The following PLCB1 variants were observed in gnomAD, a reference collection of about 807,000 sequenced individuals.
PLCB1 encodes the protein 1-phosphatidylinositol 4,5-bisphosphate phosphodiesterase beta-1.
In PLCB1, 46 loss-of-function variants were observed where a neutral mutation model predicts 161.8. The observed-to-expected ratio is 0.28, with a 90% CI of 0.22 to 0.36. The LOEUF is 0.36. Among genes scored for constraint, PLCB1 ranks in the 10% least tolerant of loss-of-function variants. PLCB1 has a pLI of 1.00. For missense variants in PLCB1, 1,016 were observed against 1,472.5 expected (o/e 0.69, Z 5.07); for synonymous variants, 517 against 503.7 (o/e 1.03, Z -0.35).
At chr20:8,508,605 TCAAGTAATC>T (rs915304232) in intron 3 of PLCB1, among the ~76,000 whole-genome samples, 2 of 152,206 alleles carry the variant, frequency 1.3e-5, no homozygotes, top group African/African-American at 4.8e-5. Context: ...ATGAGTGAAT[TCAAGTAATC>T]CATTACTAAT....
At chr20:8,643,470 T>G (rs1989019455) in intron 4 of PLCB1, among the ~76,000 whole-genome samples, 1 of 152,130 alleles carries the variant, frequency 6.6e-6, no homozygotes, top group Non-Finnish European at 1.5e-5. Flanking sequence ...CCCTCTTTTC[T>G]TCCCCATCAC....
chr20:8,679,089 CAT>C (rs1990155611), intron 9 of PLCB1, among the ~76,000 whole-genome samples: 1 of 152,136 alleles, frequency 6.6e-6, no homozygotes, highest in South Asian at 2.1e-4. Flanking sequence ...ACCCTTGACA[CAT>C]AGAGATGCAC....
intron 2 of PLCB1, among the ~76,000 whole-genome samples, chr20:8,238,240 T>C (rs1980425799): frequency 6.6e-6 from 1 of 151,976 alleles, no homozygotes; most frequent in Admixed American, 6.6e-5. Context: ...GAGCTGACAA[T>C]TTACCTGCGT....
At chr20:8,627,620 A>G (rs907381146) in intron 3 of PLCB1, among the ~76,000 whole-genome samples, 15 of 152,330 alleles carry the variant, frequency 9.8e-5, no homozygotes, top group Admixed American at 4.6e-4. Context: ...TGAGCTTTGA[A>G]TGTTTGGAAA....
In PLCB1 at chr20:8,684,103, C is replaced by A. The variant is rs1050458049; in HGVS notation, c.863-829C>A. Among the ~76,000 whole-genome samples, 14 of 152,110 alleles carry A rather than the reference C, an allele frequency of 9.2e-5. No homozygotes were observed. In the East Asian group the frequency reaches 2.1e-3, roughly 23 times the overall value. On this transcript the variant is annotated intron_variant, in intron 9 of 31. Transcript: ENST00000338037. The stretch of plus-strand genomic sequence containing the variant: ...GTTTCACCGTGTTAGCCAGGATGGT[C>A]TCGATCTCCTGACCTTGTGATCTGC...
At chr20:8,198,170 A>G (rs1490940362) in intron 2 of PLCB1, among the ~76,000 whole-genome samples, 2 of 152,076 alleles carry the variant, frequency 1.3e-5, no homozygotes, top group Non-Finnish European at 2.9e-5. Context: ...TATGAACTTT[A>G]AAGTAGTTTT....
intron 14 of PLCB1, among the ~76,000 whole-genome samples, chr20:8,720,286 T>G (rs557582176): frequency 2.7e-4 from 41 of 152,330 alleles, no homozygotes; most frequent in African/African-American, 9.4e-4. Flanking sequence ...TTACAGGCAG[T>G]GAACATTATT....
chr20:8,633,328 C>G (rs1442044212), intron 4 of PLCB1, among the ~76,000 whole-genome samples: 2 of 152,046 alleles, frequency 1.3e-5, no homozygotes, highest in African/African-American at 4.8e-5. Flanking sequence ...AAGTATATAG[C>G]AGAAGTTCAG....
In PLCB1 at chr20:8,369,050, T is replaced by C. The variant is rs79692182; in HGVS notation, c.178-2332T>C. Among the ~76,000 whole-genome samples the C allele has an allele frequency of 7.4e-3, 1,126 of 152,322 alleles. 11 individuals carry two copies. Among genetic ancestry groups the C allele is most frequent in the African/African-American group, 0.026 (1,078 of 41,560 alleles). The stretch of plus-strand genomic sequence containing the variant: ...AACTGGGATCTTATCTTTGTATGTT[T>C]TAGTTTCTCAGTACTAGTGTATACC... On this transcript the variant is annotated intron_variant, in intron 2 of 31. Transcript: ENST00000338037.
chr20:8,842,547 C>A (rs974741518), intron 31 of PLCB1, among the ~76,000 whole-genome samples: 1 of 152,134 alleles, frequency 6.6e-6, no homozygotes, highest in Non-Finnish European at 1.5e-5. Context: ...AGACAAGAAC[C>A]CCTCAGACAC....
chr20:8,260,947 A>G (rs1002601196), intron 2 of PLCB1, among the ~76,000 whole-genome samples: 1 of 152,120 alleles, frequency 6.6e-6, no homozygotes, highest in Admixed American at 6.5e-5. Flanking sequence ...GAGACTGCCC[A>G]TGGTCAGCGA....
intron 4 of PLCB1, among the ~76,000 whole-genome samples, chr20:8,633,819 A>C (rs182031579): frequency 1.3e-5 from 2 of 152,322 alleles, no homozygotes; most frequent in South Asian, 2.1e-4. Context: ...CTATATCGGC[A>C]GTTAACATGA....
At chr20:8,791,979 G>A (rs1305087679) in intron 31 of PLCB1, 2 of 152,126 alleles carry the variant, frequency 1.3e-5, no homozygotes, top group African/African-American at 4.8e-5. Flanking sequence ...AGTAAGCCAC[G>A]TTACTGGAAA....
chr20:8,306,884 C>T (rs528481732), intron 2 of PLCB1, among the ~76,000 whole-genome samples: 10 of 152,304 alleles, frequency 6.6e-5, no homozygotes, highest in African/African-American at 2.2e-4. Flanking sequence ...TTAACCAAAT[C>T]CTCAAGAATT....
intron 2 of PLCB1, among the ~76,000 whole-genome samples, chr20:8,277,050 G>C (rs1450793928): frequency 1.4e-5 from 2 of 147,264 alleles, no homozygotes; most frequent in African/African-American, 5.0e-5. Flanking sequence ...TGCCAGGCTG[G>C]AGTGCAGTGG....
chr20:8,768,205 G>A (rs1982462274), intron 26 of PLCB1, among the ~76,000 whole-genome samples: 2 of 152,024 alleles, frequency 1.3e-5, no homozygotes, highest in African/African-American at 4.8e-5. Flanking sequence ...ACAAAATCAA[G>A]GTGTTAGTGG....
intron 2 of PLCB1, among the ~76,000 whole-genome samples, chr20:8,322,714 G>A (rs759128871): frequency 1.3e-5 from 2 of 152,168 alleles, no homozygotes; most frequent in African/African-American, 2.4e-5. Context: ...TTCTCAGAAA[G>A]TGAAAGAATG....
intron 9 of PLCB1, among the ~76,000 whole-genome samples, chr20:8,668,695 A>T (rs988269858): frequency 6.6e-6 from 1 of 152,190 alleles, no homozygotes; most frequent in African/African-American, 2.4e-5. Flanking sequence ...TGCTCTTAGA[A>T]AGTGTTAATT....
At chr20:8,466,882 G>A (rs1981848229) in intron 3 of PLCB1, among the ~76,000 whole-genome samples, 1 of 152,012 alleles carries the variant, frequency 6.6e-6, no homozygotes, top group Non-Finnish European at 1.5e-5. Flanking sequence ...TCCCCTCTAG[G>A]TAGAGACTCG....
Sources: allele counts gnomAD v4.1 joint callset (sites outside exome capture counted in the v4.1 genomes callset), GRCh38; gene constraint gnomAD v4.1.1; transcripts MANE v1.5; gene names NCBI Gene and HGNC (gene_info 2026-07-23, HGNC 2026-07-21).